Variants in DLC1 observed in about 807,000 individuals in gnomAD.
The protein encoded by DLC1 is rho GTPase-activating protein 7.
A neutral mutation model predicts 140.3 loss-of-function variants in DLC1; 54 were observed. The observed-to-expected ratio is 0.38, with a 90% confidence interval of 0.31 to 0.48. The LOEUF (loss-of-function observed/expected upper bound fraction) is 0.48, where lower values mean the gene tolerates loss of function less well. Among genes scored for constraint, DLC1 ranks in the 20% least tolerant of loss-of-function variants. DLC1 has a pLI of 0.96. For missense variants in DLC1, 2,536 were observed against 1,907.0 expected, an observed-to-expected ratio of 1.33 and a Z score of -6.14; for synonymous variants, 986 against 728.1, an observed-to-expected ratio of 1.35 and a Z score of -5.70.
chr8:13,563,829 A>G (rs1347133919), intron 1 of DLC1, among the ~76,000 whole-genome samples: 1 of 152,222 alleles, frequency 6.6e-6, no homozygotes, highest in East Asian at 1.9e-4. Flanking sequence ...AACGAATCAA[A>G]TAATGCAAAA....
At chr8:13,270,286 A>C (rs922056518) in intron 5 of DLC1, among the ~76,000 whole-genome samples, 1 of 152,218 alleles carries the variant, frequency 6.6e-6, no homozygotes, top group African/African-American at 2.4e-5. Context: ...GGCCTTTGGT[A>C]AAATGTGCAG....
At chr8:13,364,300 C>CTTT (rs34178675) in intron 4 of DLC1, among the ~76,000 whole-genome samples, 1 of 141,836 alleles carries the variant, frequency 7.1e-6, no homozygotes, top group African/African-American at 2.6e-5. Flanking sequence ...GGTAATGAAA[C>CTTT]TTTTTTTTTT....
At chr8:13,143,850 G>GAGAGAGAGAGAC (rs1395072506) in intron 5 of DLC1, among the ~76,000 whole-genome samples, 1 of 147,852 alleles carries the variant, frequency 6.8e-6, no homozygotes, top group East Asian at 1.9e-4. Flanking sequence ...GAGAGAGAGA[G>GAGAGAGAGAGAC]AGACATAGAC....
intron 1 of DLC1, among the ~76,000 whole-genome samples, chr8:13,599,113 C>T (rs777021813): frequency 6.6e-6 from 1 of 151,566 alleles, no homozygotes; most frequent in Non-Finnish European, 1.5e-5. Context: ...AACTAGCATT[C>T]TGATTGAAAA....
chr8:13,319,921 C>G (rs1833024025), intron 4 of DLC1, among the ~76,000 whole-genome samples: 1 of 149,486 alleles, frequency 6.7e-6, no homozygotes, highest in Non-Finnish European at 1.5e-5. Context: ...CTCCCAGATT[C>G]AAGCAAATGT....
intron 1 of DLC1, among the ~76,000 whole-genome samples, chr8:13,560,973 T>C (rs1245131711): frequency 6.6e-6 from 1 of 152,120 alleles, no homozygotes; most frequent in African/African-American, 2.4e-5. Context: ...ATTATATATA[T>C]ATTTTTTAAT....
At chr8:13,284,658 G>C (rs1340181981) in intron 5 of DLC1, among the ~76,000 whole-genome samples, 1 of 148,494 alleles carries the variant, frequency 6.7e-6, no homozygotes, top group African/African-American at 2.6e-5. Context: ...TCTCTAGTCA[G>C]ATCAACTACA....
chr8:13,307,382 T>G (rs2117531087), intron 4 of DLC1, among the ~76,000 whole-genome samples: 1 of 152,334 alleles, frequency 6.6e-6, no homozygotes, highest in South Asian at 2.1e-4. Context: ...CTTCAAGAAC[T>G]TCTCTGATTC....
At chr8:13,319,479 G>T (rs755442276) in intron 4 of DLC1, among the ~76,000 whole-genome samples, 43 of 116,306 alleles carry the variant, frequency 3.7e-4, no homozygotes, top group Middle Eastern at 8.8e-3. Flanking sequence ...CGGGGCGGGG[G>T]GGGGGGGTGG....
chr8:13,393,766 A>G (rs1237520630), intron 3 of DLC1, 73 bp from the exon 4 acceptor site: 2 of 1,529,616 alleles, frequency 1.3e-6, no homozygotes, highest in African/African-American at 1.4e-5. Context: ...TACCACCAGA[A>G]CTTTGTCACT....
In DLC1 at chr8:13,094,857, G is replaced by C; in HGVS notation, c.3428C>G (p.Ala1143Gly). 1 of 1,614,202 alleles carries C rather than the reference G, an allele frequency of 6.2e-7. No individual in the cohort carries two copies. Among genetic ancestry groups the C allele is most frequent in the Non-Finnish European group, 8.5e-7 (1 of 1,180,040 alleles). ...IDCVNYEGQSAYDVADMLKQY... is the reference protein window; with the variant it reads ...IDCVNYEGQSGYDVADMLKQY... The stretch of plus-strand genomic sequence containing the variant: ...CTTCAGCATGTCTGCCACGTCATAA[G>C]CAGACTGTCCTTCGTAGTTGACACA... The change falls in exon 12 of 18, where the codon GCT (alanine) becomes GGT (glycine). Residue 1143 changes from alanine (A) to glycine (G), a missense_variant. Coordinates refer to ENST00000276297, the MANE Select transcript of DLC1 (RefSeq NM_182643.3).
Position 13,364,447 on chromosome 8 carries a change from T to C in DLC1, c.1314+29106A>G, listed in dbSNP as rs151176600. 6.8e-4 allele frequency among the ~76,000 whole-genome samples: 103 copies of C among 152,214 alleles called. 1 individual carries two copies. Among genetic ancestry groups the C allele is most frequent in the African/African-American group, 2.3e-3 (96 of 41,554 alleles). ...CTGAGTAGCTGAGATTACAGGCATG[T>C]GCCACCACGCCAGGCTAATTTTGTA... is the stretch of plus-strand genomic sequence containing the variant. On this transcript the variant is annotated intron_variant, in intron 4 of 17. Coordinates refer to ENST00000276297, the MANE Select transcript of DLC1 (RefSeq NM_182643.3).
chr8:13,206,332 T>C (rs1827662793), intron 5 of DLC1, among the ~76,000 whole-genome samples: 1 of 152,182 alleles, frequency 6.6e-6, no homozygotes, highest in Admixed American at 6.5e-5. Context: ...AAGATCTGAA[T>C]AAACAAGTTT....
chr8:13,384,906 C>T (rs528259230), intron 4 of DLC1, among the ~76,000 whole-genome samples: 1 of 150,004 alleles, frequency 6.7e-6, no homozygotes, highest in Middle Eastern at 3.4e-3. Context: ...CAGGCTTATC[C>T]TAGAGGCTGG....
At chr8:13,089,596 G>T (rs1487263809) in intron 15 of DLC1, among the ~76,000 whole-genome samples, 2 of 152,190 alleles carry the variant, frequency 1.3e-5, no homozygotes, top group Admixed American at 6.5e-5. Context: ...CTGCACTCCA[G>T]CCTGGGTGAC....
Position 13,128,897 on chromosome 8 carries a change from C to CCATTAATTATGATGGCAAGGCAGAA in DLC1, c.1349-13265_1349-13241dup, listed in dbSNP as rs1563654360. Reference sequence around the variant, plus strand: ...AATGTGAAGGCTTTCTTCCTGTTCTCCATTAATTATGATGGCAAGGCAGAA... The same window carrying CCATTAATTATGATGGCAAGGCAGAA: ...AATGTGAAGGCTTTCTTCCTGTTCTCCATTAATTATGATGGCAAGGCAGAACATTAATTATGATGGCAAGGCAGAA... On this transcript the variant is annotated intron_variant, in intron 5 of 17. Coordinates refer to ENST00000276297, the MANE Select transcript of DLC1 (RefSeq NM_182643.3). Among the ~76,000 whole-genome samples, 6 of 3,360 alleles carry CCATTAATTATGATGGCAAGGCAGAA rather than the reference C, an allele frequency of 1.8e-3. 1 individual carries two copies. The highest frequency in any genetic ancestry group is 4.7e-3 in the African/African-American group (6 of 1,272). 2.2% of individuals were successfully genotyped at this position (3,360 alleles called of 152,430 possible).
intron 5 of DLC1, among the ~76,000 whole-genome samples, chr8:13,216,214 C>T (rs1255604435): frequency 6.6e-6 from 1 of 152,126 alleles, no homozygotes; most frequent in Non-Finnish European, 1.5e-5. Flanking sequence ...TTTGTATTTT[C>T]AGTGATGAAT....
intron 5 of DLC1, among the ~76,000 whole-genome samples, chr8:13,200,822 T>C (rs1308149380): frequency 6.6e-6 from 1 of 152,102 alleles, no homozygotes; most frequent in Non-Finnish European, 1.5e-5. Context: ...GGTCCGGAAC[T>C]CCTGGCCTCA....
chr8:13,226,870 C>A (rs1346169584), intron 5 of DLC1, among the ~76,000 whole-genome samples: 1 of 152,072 alleles, frequency 6.6e-6, no homozygotes, highest in South Asian at 2.1e-4. Flanking sequence ...CTGGGTATAG[C>A]CTTGATTGGT....
Sources: gnomAD v4.1 joint callset for allele counts (sites outside exome capture counted in the v4.1 genomes callset) on GRCh38, gnomAD v4.1.1 for gene constraint, MANE v1.5 for transcripts, NCBI Gene and HGNC (gene_info 2026-07-23, HGNC 2026-07-21) for gene names.